Variants in ANKS1B observed in about 807,000 individuals in gnomAD.
ANKS1B encodes the protein ankyrin repeat and sterile alpha motif domain-containing protein 1B.
Under a neutral mutation model 148.3 loss-of-function variants are expected in ANKS1B, and 36 were observed. The observed-to-expected ratio is 0.24, with a 90% confidence interval of 0.19 to 0.32. The LOEUF (loss-of-function observed/expected upper bound fraction) is 0.32, where lower values mean the gene tolerates loss of function less well. Among genes scored for constraint, ANKS1B ranks in the 10% least tolerant of loss-of-function variants. The pLI is 1.00. For synonymous variants in ANKS1B, 542 were observed against 560.8 expected (o/e 0.97, Z 0.47); for missense variants, 1,157 against 1,542.6 (o/e 0.75, Z 4.19).
At chr12:99,506,355 A>C (rs937337993) in intron 9 of ANKS1B, among the ~76,000 whole-genome samples, 7 of 152,036 alleles carry the variant, frequency 4.6e-5, no homozygotes, top group African/African-American at 1.7e-4. Flanking sequence ...AGGTCAGGGT[A>C]ATTGCTTTCA....
chr12:99,845,032 C>T (rs768940775), intron 1 of ANKS1B, among the ~76,000 whole-genome samples: 1 of 151,972 alleles, frequency 6.6e-6, no homozygotes, highest in Non-Finnish European at 1.5e-5. Flanking sequence ...TGGCTCTCGG[C>T]TTGCCTCTTA....
intron 11 of ANKS1B, among the ~76,000 whole-genome samples, chr12:99,441,554 T>C (rs1200608061): frequency 2.0e-5 from 3 of 151,978 alleles, no homozygotes; most frequent in Non-Finnish European, 4.4e-5. Flanking sequence ...ATATTCTTTC[T>C]GCAATTATAT....
rs550308405 is a variant in ANKS1B, at chr12:99,601,927, T to A, written c.1272+53140A>T. Among the ~76,000 whole-genome samples the A allele has an allele frequency of 1.8e-3, 281 of 152,094 alleles. 12 individuals are homozygous for A. The South Asian group carries it at 0.049, about 26-fold the overall frequency. On this transcript the variant is annotated intron_variant, in intron 9 of 26. Coordinates refer to ENST00000683438, the MANE Select transcript of ANKS1B (RefSeq NM_001352186.2). Reference sequence around the variant, plus strand: ...CTGAAATGAGTCTTGTGACCTACTATAAGACAAGGTAGACCAGAGTATTTC... The same window carrying A: ...CTGAAATGAGTCTTGTGACCTACTAAAAGACAAGGTAGACCAGAGTATTTC...
chr12:99,271,552 G>C (rs556315778), intron 12 of ANKS1B, among the ~76,000 whole-genome samples: 4 of 151,008 alleles, frequency 2.6e-5, no homozygotes, highest in Admixed American at 6.6e-5. Flanking sequence ...AAAATAATTA[G>C]TTAAGAGAAG....
At chr12:99,131,170 C>T (rs923883468) in intron 15 of ANKS1B, among the ~76,000 whole-genome samples, 1 of 152,170 alleles carries the variant, frequency 6.6e-6, no homozygotes, top group Non-Finnish European at 1.5e-5. Context: ...CACCTGCTCT[C>T]CCAACATCCA....
intron 9 of ANKS1B, among the ~76,000 whole-genome samples, chr12:99,540,163 A>G (rs1209781411): frequency 6.6e-6 from 1 of 152,170 alleles, no homozygotes; most frequent in East Asian, 1.9e-4. Flanking sequence ...AAAACATGAA[A>G]CAAAAAGTAA....
At chr12:99,192,579 G>A (rs1029564577) in intron 14 of ANKS1B, among the ~76,000 whole-genome samples, 6 of 152,026 alleles carry the variant, frequency 3.9e-5, no homozygotes, top group African/African-American at 1.4e-4. Context: ...TATAAAAGGG[G>A]CTTATTTCTA....
At chr12:99,749,692 C>G (rs2060927136) in intron 8 of ANKS1B, among the ~76,000 whole-genome samples, 1 of 151,900 alleles carries the variant, frequency 6.6e-6, no homozygotes, top group Non-Finnish European at 1.5e-5. Context: ...AGTCTGAACA[C>G]AAGGCCATTT....
chr12:99,032,401 A>C (rs1018519430), intron 17 of ANKS1B, among the ~76,000 whole-genome samples: 2 of 152,130 alleles, frequency 1.3e-5, no homozygotes, highest in African/African-American at 2.4e-5. Context: ...CAAGGGGAGA[A>C]TCCTTCCTTG....
chr12:99,002,745 T>G (rs1315837489), intron 17 of ANKS1B, among the ~76,000 whole-genome samples: 1 of 152,224 alleles, frequency 6.6e-6, no homozygotes, highest in Non-Finnish European at 1.5e-5. Context: ...ATTAACCCCT[T>G]CTCCATTACA....
At chr12:99,352,269 T>C (rs1161177880) in intron 12 of ANKS1B, 1 of 152,050 alleles carries the variant, frequency 6.6e-6, no homozygotes, top group Non-Finnish European at 1.5e-5. Context: ...GTACCCAGCA[T>C]ACAATAAACA....
chr12:99,054,530 T>A (rs1289537010), intron 16 of ANKS1B, among the ~76,000 whole-genome samples: 1 of 152,152 alleles, frequency 6.6e-6, no homozygotes, highest in East Asian at 1.9e-4. Flanking sequence ...AAAGTTTAAA[T>A]GTTCTCTGTT....
chr12:99,210,853 CTATTTGTGAGGATAA>C (rs2083256772), intron 14 of ANKS1B, among the ~76,000 whole-genome samples: 1 of 152,200 alleles, frequency 6.6e-6, no homozygotes, highest in Non-Finnish European at 1.5e-5. Flanking sequence ...AATTCAGAAA[CTATTTGTGAGGATAA>C]TAGCAGTCTC....
intron 25 of ANKS1B, among the ~76,000 whole-genome samples, chr12:98,766,404 T>A (rs777772110): frequency 6.6e-6 from 1 of 152,244 alleles, no homozygotes; most frequent in African/African-American, 2.4e-5. Flanking sequence ...GAGTTTCAGC[T>A]GGCTGGACAG....
At chr12:98,921,920 T>C (rs1450517525) in intron 17 of ANKS1B, among the ~76,000 whole-genome samples, 1 of 152,172 alleles carries the variant, frequency 6.6e-6, no homozygotes, top group Non-Finnish European at 1.5e-5. Context: ...TCAGAATGGA[T>C]CATAAAAGAA....
At chr12:99,652,141 A>G (rs1385240425) in intron 9 of ANKS1B, among the ~76,000 whole-genome samples, 2 of 151,978 alleles carry the variant, frequency 1.3e-5, no homozygotes, top group East Asian at 3.9e-4. Context: ...CTTAAACAAT[A>G]ATATTCACAG....
chr12:99,242,239 T>C (rs1323369633), intron 14 of ANKS1B, among the ~76,000 whole-genome samples: 1 of 152,168 alleles, frequency 6.6e-6, no homozygotes, highest in Non-Finnish European at 1.5e-5. Context: ...AGCATTCCTA[T>C]ACACCAATAA....
At chr12:99,111,065 C>G (rs142316367) in intron 15 of ANKS1B, among the ~76,000 whole-genome samples, 2 of 152,192 alleles carry the variant, frequency 1.3e-5, no homozygotes, top group South Asian at 4.1e-4. Context: ...GGAAGGCAAT[C>G]AGGACAATAA....
At position 99,709,290 on chromosome 12, in the gene ANKS1B, G is replaced by T. The variant is rs200328986; in HGVS notation, c.1129-54080C>A. Among the ~76,000 whole-genome samples the T allele has an allele frequency of 2.0e-5, 3 of 152,224 alleles. No individual in the cohort carries two copies. The East Asian group carries it at 5.8e-4, about 29-fold the overall frequency. On this transcript the variant is annotated intron_variant, in intron 8 of 26. Coordinates refer to ENST00000683438, the MANE Select transcript of ANKS1B (RefSeq NM_001352186.2). ...AATGATTCACACTATAACAACTATGGGTGCTGGAATGTACTTCAGTAAGCA... is the reference window on the plus strand; with the variant it reads ...AATGATTCACACTATAACAACTATGTGTGCTGGAATGTACTTCAGTAAGCA...
Sources: gnomAD v4.1 joint callset for allele counts (sites outside exome capture counted in the v4.1 genomes callset) on GRCh38, gnomAD v4.1.1 for gene constraint, MANE v1.5 for transcripts, NCBI Gene and HGNC (gene_info 2026-07-23, HGNC 2026-07-21) for gene names.